DDX60: variants seen among roughly 807,000 people sequenced by gnomAD.
The protein encoded by DDX60 is DExD/H-box helicase 60.
DDX60 carries 165 observed loss-of-function variants against 212.8 expected under a neutral mutation model. That is an observed-to-expected ratio of 0.78 (90% CI 0.68 to 0.88). DDX60 has a LOEUF of 0.88. Among genes scored for constraint, DDX60 ranks in the 40% least tolerant of loss-of-function variants. The probability of loss-of-function intolerance (pLI) is 0.00; values close to 1 mark genes in which losing one functional copy is unlikely to be tolerated. For missense variants in DDX60, 1,905 were observed against 2,003.9 expected (o/e 0.95, Z 0.94); for synonymous variants, 703 against 685.3 (o/e 1.03, Z -0.40).
intron 26 of DDX60, among the ~76,000 whole-genome samples, chr4:168,253,702 T>A (rs1734304339): frequency 6.6e-6 from 1 of 152,194 alleles, no homozygotes; most frequent in Non-Finnish European, 1.5e-5. Flanking sequence ...TCGTTCATTT[T>A]CTCATAGGTC....
chr4:168,261,876 T>A, intron 24 of DDX60, 124 bp downstream of exon 24: 1 of 1,150,584 alleles, frequency 8.7e-7, no homozygotes, highest in Non-Finnish European at 1.2e-6. Context: ...AGACTTCAAG[T>A]TCAACTTAAA....
chr4:168,237,829 G>A lies in DDX60; in HGVS notation c.4165-34C>T, dbSNP rs1207003738. 2.0e-6 allele frequency: 3 copies of A among 1,464,428 alleles called. No individual in the cohort carries two copies. The African/African-American group carries it at 4.2e-5, about 21-fold the overall frequency. The allele number at this position is 1,464,428 out of a possible 1,614,324, so 90.7% of individuals were successfully genotyped here. On this transcript the variant is annotated intron_variant, in intron 30 of 37. Coordinates refer to ENST00000393743, the MANE Select transcript of DDX60 (RefSeq NM_017631.6). ...AAAAGAGTATTTTTAGACACACAAT[G>A]TTAAGTGTTACGAAATACGTTTGAA...
At chr4:168,232,133 T>C (rs1733475862) in intron 33 of DDX60, among the ~76,000 whole-genome samples, 1 of 151,732 alleles carries the variant, frequency 6.6e-6, no homozygotes, top group Non-Finnish European at 1.5e-5. Flanking sequence ...AATAGTAAAA[T>C]AAAATACTTA....
intron 7 of DDX60, among the ~76,000 whole-genome samples, chr4:168,292,780 T>C (rs1332207644): frequency 1.3e-5 from 2 of 152,204 alleles, no homozygotes; most frequent in African/African-American, 2.4e-5. Flanking sequence ...AAGTGTAAGA[T>C]TTCATCAGGG....
intron 18 of DDX60, 23 bp downstream of exon 18, chr4:168,273,256 A>G (rs762131664): frequency 6.8e-6 from 11 of 1,606,726 alleles, no homozygotes; most frequent in Non-Finnish European, 9.3e-6. Flanking sequence ...TTGATAACAC[A>G]CTTATTAATT....
In DDX60 at chr4:168,246,569, T is replaced by C; in HGVS notation, c.4013A>G (p.Tyr1338Cys). ...RRGQDLMGDV[Y>C]FFDIPFPKIG... ...TTTGGGGAATGGAATATCAAAGAAA[T>C]ATACATCTCCCATCAGGTCTTGACC... Residue 1338 changes from tyrosine to cysteine, a missense_variant, in exon 30 of 38, where the codon TAT (tyrosine) becomes TGT (cysteine). Transcript: ENST00000393743. 1 of 1,614,046 alleles carries C rather than the reference T, an allele frequency of 6.2e-7. No homozygotes were observed. Among genetic ancestry groups the C allele is most frequent in the Admixed American group, 1.7e-5 (1 of 60,014 alleles).
At chr4:168,255,913 T>C in intron 25 of DDX60, 44 bp from the exon 26 acceptor site, 2 of 1,542,856 alleles carry the variant, frequency 1.3e-6, no homozygotes, top group Non-Finnish European at 1.7e-6. Flanking sequence ...ACATCATAAA[T>C]ACAATTCAAA....
In DDX60 at chr4:168,221,759, A is replaced by G; in HGVS notation, c.4947T>C (p.Gly1649=). 1.2e-6 allele frequency: 2 copies of G among 1,612,942 alleles called. No homozygotes were observed. The highest frequency in any genetic ancestry group is 1.1e-5 in the South Asian group (1 of 90,956). ...NAYALDFYKH[G]SLIGLVQDNR... Reference sequence around the variant, plus strand: ...TATCCTGGACTAATCCTATCAAGGAACCATGTTTGTAGAAATCCAGTGCAT... The same window carrying G: ...TATCCTGGACTAATCCTATCAAGGAGCCATGTTTGTAGAAATCCAGTGCAT... The change falls in exon 36 of 38, where the codon GGT becomes GGC. Residue 1649 remains glycine, a synonymous_variant. Coordinates refer to ENST00000393743, the MANE Select transcript of DDX60 (RefSeq NM_017631.6).
chr4:168,311,132 C>T (rs1361077752), intron 2 of DDX60, 65 bp from the exon 3 acceptor site: 2 of 1,408,276 alleles, frequency 1.4e-6, no homozygotes, highest in East Asian at 2.4e-5. Context: ...TTTACAGGAG[C>T]TATCATTTAG....
intron 28 of DDX60, 82 bp from the exon 29 acceptor site, chr4:168,248,374 A>G: frequency 9.5e-7 from 1 of 1,049,726 alleles, no homozygotes; most frequent in Non-Finnish European, 1.3e-6. Context: ...GTTGCTGAAA[A>G]ACTCTTTGAG....
intron 28 of DDX60, among the ~76,000 whole-genome samples, chr4:168,250,607 C>T (rs1452232027): frequency 6.6e-5 from 10 of 150,716 alleles, no homozygotes. Flanking sequence ...CTCACTGCAA[C>T]CTCCACCTCC....
intron 30 of DDX60, among the ~76,000 whole-genome samples, chr4:168,238,244 A>G (rs1254533001): frequency 6.7e-6 from 1 of 150,138 alleles, no homozygotes; most frequent in Non-Finnish European, 1.5e-5. Flanking sequence ...TCCAAAAAAA[A>G]AAAAAAAAAA....
chr4:168,261,922 G>T, intron 24 of DDX60, 78 bp downstream of exon 24: 3 of 1,462,312 alleles, frequency 2.1e-6, no homozygotes, highest in Non-Finnish European at 2.7e-6. Context: ...AAAAAAATCA[G>T]AAAATGGTAT....
intron 1 of DDX60, among the ~76,000 whole-genome samples, chr4:168,312,411 G>A (rs1737174056): frequency 6.6e-6 from 1 of 152,170 alleles, no homozygotes; most frequent in African/African-American, 2.4e-5. Flanking sequence ...AACGGTAAAT[G>A]AGGCCATTGG....
At chr4:168,226,445 C>T (rs1439375603) in intron 33 of DDX60, among the ~76,000 whole-genome samples, 1 of 152,034 alleles carries the variant, frequency 6.6e-6, no homozygotes, top group Non-Finnish European at 1.5e-5. Context: ...TGTGAGAACA[C>T]AGCATAAAGA....
intron 10 of DDX60, among the ~76,000 whole-genome samples, chr4:168,286,423 G>C (rs78216251): frequency 5.8e-5 from 8 of 136,824 alleles, no homozygotes; most frequent in African/African-American, 2.2e-4. Flanking sequence ...CACACCACAC[G>C]AGATAGATAG....
At chr4:168,277,343 G>A (rs1023329435) in intron 14 of DDX60, among the ~76,000 whole-genome samples, 4 of 152,102 alleles carry the variant, frequency 2.6e-5, no homozygotes, top group Non-Finnish European at 4.4e-5. Context: ...GTGCCTCATC[G>A]TTTTTGTTGG....
At chr4:168,299,787 G>A (rs1736570390) in intron 6 of DDX60, among the ~76,000 whole-genome samples, 1 of 152,080 alleles carries the variant, frequency 6.6e-6, no homozygotes, top group African/African-American at 2.4e-5. Context: ...TGCCATGGAA[G>A]AAATACAGAA....
intron 1 of DDX60, among the ~76,000 whole-genome samples, chr4:168,315,280 A>C (rs936784838): frequency 6.6e-5 from 10 of 152,244 alleles, no homozygotes; most frequent in African/African-American, 2.4e-4. Flanking sequence ...GTTTTGATAA[A>C]ATAAAGCACT....
Sources: gnomAD v4.1 joint callset for allele counts (sites outside exome capture counted in the v4.1 genomes callset) on GRCh38, gnomAD v4.1.1 for gene constraint, MANE v1.5 for transcripts, NCBI Gene and HGNC (gene_info 2026-07-23, HGNC 2026-07-21) for gene names.